Variants in ADGRL3 observed in about 807,000 individuals in gnomAD.
ADGRL3 encodes adhesion G protein-coupled receptor L3, also known as calcium-independent alpha-latrotoxin receptor 3.
Under a neutral mutation model 153.5 loss-of-function variants are expected in ADGRL3, and 62 were observed. That is an observed-to-expected ratio of 0.40 (90% CI 0.33 to 0.50). The LOEUF (loss-of-function observed/expected upper bound fraction) is 0.50. ADGRL3 is among the 20% of genes least tolerant of loss of function. The probability of loss-of-function intolerance (pLI) is 0.47; values close to 1 mark genes in which losing one functional copy is unlikely to be tolerated. For missense variants in ADGRL3, 1,641 were observed against 1,859.4 expected, an observed-to-expected ratio of 0.88 and a Z score of 2.16; for synonymous variants, 710 against 672.5, an observed-to-expected ratio of 1.06 and a Z score of -0.86.
At chr4:61,541,542 G>A (rs2098690250) in intron 4 of ADGRL3, among the ~76,000 whole-genome samples, 1 of 151,782 alleles carries the variant, frequency 6.6e-6, no homozygotes, top group Admixed American at 6.6e-5. Context: ...TTCACTAAGG[G>A]GCATTTGGTC....
chr4:61,648,712 A>G (rs73825907), intron 5 of ADGRL3, among the ~76,000 whole-genome samples: 3,417 of 152,138 alleles, frequency 0.022, 115 homozygotes, highest in East Asian at 0.14. Flanking sequence ...AGGCAGAAAA[A>G]TGAGAGAACT....
intron 8 of ADGRL3, among the ~76,000 whole-genome samples, chr4:61,759,516 C>G (rs780665659): frequency 6.6e-6 from 1 of 152,202 alleles, no homozygotes; most frequent in Non-Finnish European, 1.5e-5. Context: ...TGGTTTTCAG[C>G]TCCATCAGGT....
At chr4:61,492,017 A>AT in intron 2 of ADGRL3, among the ~76,000 whole-genome samples, 1 of 76,480 alleles carries the variant, frequency 1.3e-5, no homozygotes, top group African/African-American at 3.9e-5. Context: ...TGGAACAATG[A>AT]AAAAAACAAA....
chr4:61,684,553 C>T (rs1008376402), intron 6 of ADGRL3, among the ~76,000 whole-genome samples: 4 of 152,176 alleles, frequency 2.6e-5, no homozygotes, highest in Admixed American at 2.6e-4. Context: ...CAGGAAGGAT[C>T]AGATCCCCGT....
intron 4 of ADGRL3, among the ~76,000 whole-genome samples, chr4:61,569,851 G>C (rs2098831290): frequency 6.6e-6 from 1 of 152,020 alleles, no homozygotes; most frequent in South Asian, 2.1e-4. Context: ...GTGGCACTTA[G>C]CACTTCACTA....
intron 2 of ADGRL3, among the ~76,000 whole-genome samples, chr4:61,452,637 T>C (rs772716185): frequency 2.0e-5 from 3 of 152,216 alleles, no homozygotes; most frequent in Admixed American, 1.3e-4. Context: ...TTTTGAGGCA[T>C]AAAATATATA....
chr4:61,220,739 T>C (rs752048087), intron 1 of ADGRL3, among the ~76,000 whole-genome samples: 2 of 152,210 alleles, frequency 1.3e-5, no homozygotes, highest in Non-Finnish European at 2.9e-5. Context: ...TTCTGGCATG[T>C]TACTTCATGT....
At chr4:61,934,735 G>A in intron 13 of ADGRL3, 105 bp from the exon 14 acceptor site, 1 of 781,238 alleles carries the variant, frequency 1.3e-6, no homozygotes, top group South Asian at 1.7e-5. Flanking sequence ...CTGAACTCAT[G>A]CACACACTGC....
intron 2 of ADGRL3, among the ~76,000 whole-genome samples, chr4:61,481,458 C>A (rs1315253387): frequency 6.6e-6 from 1 of 151,984 alleles, no homozygotes; most frequent in African/African-American, 2.4e-5. Context: ...TGGGCAAAAC[C>A]ACTGCAGTTT....
At chr4:61,262,978 C>A (rs1411465328) in intron 1 of ADGRL3, among the ~76,000 whole-genome samples, 1 of 151,866 alleles carries the variant, frequency 6.6e-6, no homozygotes, top group East Asian at 1.9e-4. Context: ...CAAAATAGCC[C>A]CCAGAAAATT....
At position 61,228,522 on chromosome 4, in the gene ADGRL3, G is replaced by A. The variant is rs140166334; in HGVS notation, c.-240+26757G>A. Among the ~76,000 whole-genome samples the A allele has an allele frequency of 1.4e-4, 21 of 152,272 alleles. No individual in the cohort carries two copies. In the East Asian group the frequency reaches 3.9e-3, roughly 28 times the overall value. On this transcript the variant is annotated intron_variant, in intron 1 of 26. Transcript: ENST00000683033. Reference sequence around the variant, plus strand: ...ATAACCACTATTTATATAGTAGAGAGTAGGAAGTGCTAAAATGTAAATGTT... The same window carrying A: ...ATAACCACTATTTATATAGTAGAGAATAGGAAGTGCTAAAATGTAAATGTT...
At chr4:61,299,954 A>G (rs112844826) in intron 1 of ADGRL3, among the ~76,000 whole-genome samples, 1 of 152,122 alleles carries the variant, frequency 6.6e-6, no homozygotes, top group Admixed American at 6.5e-5. Context: ...TTATTATCAG[A>G]TATTGAAATC....
intron 4 of ADGRL3, among the ~76,000 whole-genome samples, chr4:61,568,647 G>C (rs2098826104): frequency 6.6e-6 from 1 of 151,958 alleles, no homozygotes. Flanking sequence ...GCTATAATAG[G>C]ACTAACATTT....
chr4:61,975,905 G>C (rs2099046222), intron 17 of ADGRL3, among the ~76,000 whole-genome samples: 1 of 152,014 alleles, frequency 6.6e-6, no homozygotes, highest in African/African-American at 2.4e-5. Flanking sequence ...GAAGCAGGAG[G>C]GCAGAATAGG....
intron 17 of ADGRL3, among the ~76,000 whole-genome samples, chr4:61,958,296 A>G (rs1207604415): frequency 6.6e-6 from 1 of 152,186 alleles, no homozygotes; most frequent in Non-Finnish European, 1.5e-5. Flanking sequence ...CCTCTTACAT[A>G]TCCAAAAAGT....
intron 1 of ADGRL3, among the ~76,000 whole-genome samples, chr4:61,208,212 A>G (rs570389315): frequency 6.6e-6 from 1 of 152,250 alleles, no homozygotes; most frequent in Non-Finnish European, 1.5e-5. Context: ...AGAGTGGTGT[A>G]GAGATGAACA....
In ADGRL3 at chr4:62,038,586, A is replaced by G. The variant is rs192116939; in HGVS notation, c.3717+730A>G. ...TGTAGGTCATGAGTGCGTTTGGTTC[A>G]AGCTAGCAAACTAGTATTATTTGTT... On this transcript the variant is annotated intron_variant, in intron 24 of 26. Transcript: ENST00000683033. 1.2e-3 allele frequency among the ~76,000 whole-genome samples: 184 copies of G among 152,136 alleles called. 2 individuals carry two copies. The South Asian group carries it at 0.027, about 22-fold the overall frequency.
intron 2 of ADGRL3, among the ~76,000 whole-genome samples, chr4:61,452,285 C>T (rs995631973): frequency 6.6e-6 from 1 of 152,156 alleles, no homozygotes; most frequent in East Asian, 1.9e-4. Context: ...AGGCTGAGGC[C>T]TCTGTTATAC....
intron 1 of ADGRL3, among the ~76,000 whole-genome samples, chr4:61,306,741 A>G (rs2094803909): frequency 6.6e-6 from 1 of 152,182 alleles, no homozygotes; most frequent in Non-Finnish European, 1.5e-5. Flanking sequence ...ACAATTTTAT[A>G]CAACTATGCA....
Sources: allele counts gnomAD v4.1 joint callset (sites outside exome capture counted in the v4.1 genomes callset), GRCh38; gene constraint gnomAD v4.1.1; transcripts MANE v1.5; gene names NCBI Gene and HGNC (gene_info 2026-07-23, HGNC 2026-07-21).